The following FAT4 variants were observed in gnomAD, a reference collection of about 807,000 sequenced individuals.
FAT4 encodes the protein FAT atypical cadherin 4, also known as protocadherin Fat 4.
A neutral mutation model predicts 303.9 loss-of-function variants in FAT4; 84 were observed. The ratio of observed to expected loss-of-function variants is 0.28; its 90% confidence interval spans 0.23 to 0.33. The LOEUF (loss-of-function observed/expected upper bound fraction) is 0.33, where lower values mean the gene tolerates loss of function less well. Ranked by LOEUF, FAT4 falls within the 10% of genes least tolerant of loss-of-function variation. The pLI, the probability that FAT4 is intolerant of heterozygous loss-of-function variation, is 1.00. For missense variants in FAT4, 6,005 were observed against 6,146.8 expected, an observed-to-expected ratio of 0.98 and a Z score of 0.77; for synonymous variants, 2,307 against 2,298.8, an observed-to-expected ratio of 1.00 and a Z score of -0.10.
At chr4:125,434,096 A>G (rs1236818607) in intron 7 of FAT4, 149 bp from the exon 8 acceptor site, 10 of 663,350 alleles carry the variant, frequency 1.5e-5, no homozygotes, top group African/African-American at 3.6e-5. Flanking sequence ...TTGTAACAAA[A>G]TTAAAAATCA....
intron 8 of FAT4, among the ~76,000 whole-genome samples, chr4:125,443,894 T>C (rs1192824058): frequency 6.6e-6 from 1 of 152,138 alleles, no homozygotes; most frequent in Non-Finnish European, 1.5e-5. Flanking sequence ...ACAGAGCTTA[T>C]TGTGTTTCTT....
chr4:125,455,887 A>G (rs1305154861), intron 10 of FAT4, among the ~76,000 whole-genome samples: 1 of 152,224 alleles, frequency 6.6e-6, no homozygotes, highest in Non-Finnish European at 1.5e-5. Context: ...TGCTACAAGG[A>G]AACAGCTTAC....
intron 2 of FAT4, among the ~76,000 whole-genome samples, chr4:125,381,273 T>C (rs930744599): frequency 4.6e-5 from 7 of 152,164 alleles, no homozygotes; most frequent in African/African-American, 1.7e-4. Flanking sequence ...CTTCTATACT[T>C]TTCTAAGCCC....
At position 125,321,107 on chromosome 4, in the gene FAT4, G is replaced by C. The variant is rs1454514721; in HGVS notation, c.4696G>C (p.Glu1566Gln). 4.3e-6 allele frequency: 7 copies of C among 1,614,036 alleles called. No individual in the cohort carries two copies. In the South Asian group the frequency reaches 6.6e-5, roughly 15 times the overall value. Reference sequence around the variant, plus strand: ...AGGTGCTAATGGAGAAATAGAGTATGAGATCATCAATGGGGACACAGACAC... The same window carrying C: ...AGGTGCTAATGGAGAAATAGAGTATCAGATCATCAATGGGGACACAGACAC... ...DEGANGEIEY[E>Q]IINGDTDTFI... The change falls in exon 2 of 18, where the codon GAG becomes CAG. Residue 1566 changes from glutamate to glutamine, a missense_variant. Coordinates refer to ENST00000394329, the MANE Select transcript of FAT4 (RefSeq NM_001291303.3).
chr4:125,478,654 C>T (rs1848017), intron 14 of FAT4, among the ~76,000 whole-genome samples: 52,822 of 151,730 alleles, frequency 0.35, 9,595 homozygotes, highest in East Asian at 0.58. Flanking sequence ...CCTCAGCCTC[C>T]GGAGTAGCTG....
At chr4:125,345,959 G>A (rs1731983110) in intron 2 of FAT4, among the ~76,000 whole-genome samples, 1 of 152,032 alleles carries the variant, frequency 6.6e-6, no homozygotes, top group Admixed American at 6.6e-5. Flanking sequence ...CTTTCAGCAA[G>A]TCCTCCCCCT....
intron 2 of FAT4, among the ~76,000 whole-genome samples, chr4:125,333,422 C>T (rs925291252): frequency 6.6e-6 from 1 of 152,076 alleles, no homozygotes; most frequent in African/African-American, 2.4e-5. Flanking sequence ...GACGTCTTTT[C>T]GTGTGGATTT....
intron 7 of FAT4, among the ~76,000 whole-genome samples, chr4:125,426,088 T>C (rs974141120): frequency 1.3e-5 from 2 of 152,088 alleles, no homozygotes; most frequent in Non-Finnish European, 2.9e-5. Context: ...TTTTGAATTG[T>C]TGTCTGTCAC....
chr4:125,454,162 G>A (rs1431463240), intron 10 of FAT4, among the ~76,000 whole-genome samples: 1 of 152,136 alleles, frequency 6.6e-6, no homozygotes, highest in Non-Finnish European at 1.5e-5. Context: ...TTTAACTTTT[G>A]TAGATGTATT....
At chr4:125,407,830 A>G (rs1169403265) in intron 4 of FAT4, among the ~76,000 whole-genome samples, 1 of 152,086 alleles carries the variant, frequency 6.6e-6, no homozygotes, top group Non-Finnish European at 1.5e-5. Flanking sequence ...ATTTTTATGT[A>G]AAATTAAAAT....
intron 2 of FAT4, among the ~76,000 whole-genome samples, chr4:125,346,261 A>G (rs1731997796): frequency 6.6e-6 from 1 of 152,056 alleles, no homozygotes; most frequent in Non-Finnish European, 1.5e-5. Context: ...GCAAAATGTG[A>G]GGGATTAAAA....
chr4:125,458,284 A>G (rs1176851401), intron 10 of FAT4, among the ~76,000 whole-genome samples: 1 of 152,024 alleles, frequency 6.6e-6, no homozygotes, highest in Non-Finnish European at 1.5e-5. Context: ...TATAAACAGT[A>G]AAATTTTTTC....
At chr4:125,368,501 GTATGTATATATTATATA>G (rs1206890375) in intron 2 of FAT4, among the ~76,000 whole-genome samples, 2 of 141,438 alleles carry the variant, frequency 1.4e-5, no homozygotes, top group African/African-American at 5.1e-5. Context: ...ATATATATAT[GTATGTATATATTATATA>G]TATGTATATA....
intron 6 of FAT4, 105 bp downstream of exon 6, chr4:125,415,911 C>T (rs1735038663): frequency 1.2e-6 from 1 of 864,772 alleles, no homozygotes; most frequent in African/African-American, 1.7e-5. Flanking sequence ...TCTCCTCATT[C>T]TCATCCATAA....
At chr4:125,459,957 A>T (rs570333431) in intron 10 of FAT4, among the ~76,000 whole-genome samples, 1 of 152,050 alleles carries the variant, frequency 6.6e-6, no homozygotes, top group Non-Finnish European at 1.5e-5. Flanking sequence ...AAAAGCATAA[A>T]CTTTCCAAAC....
At chr4:125,322,963 G>A (rs563228852) in intron 2 of FAT4, among the ~76,000 whole-genome samples, 2 of 151,912 alleles carry the variant, frequency 1.3e-5, no homozygotes, top group South Asian at 4.2e-4. Context: ...TATATGTTGA[G>A]CTATTTGGTG....
In FAT4 at chr4:125,320,766, A is replaced by G. The variant is rs777926689; in HGVS notation, c.4355A>G (p.Asn1452Ser). 5.0e-6 allele frequency: 8 copies of G among 1,614,048 alleles called. No individual in the cohort carries two copies. Among genetic ancestry groups the G allele is most frequent in the South Asian group, 1.1e-5 (1 of 91,080 alleles). Reference sequence around the variant, plus strand: ...GCACATGACCCTGATGCAGACATTAATGGTCAACTATCCTACACAATCATT... The same window carrying G: ...GCACATGACCCTGATGCAGACATTAGTGGTCAACTATCCTACACAATCATT... ...VTAHDPDADINGQLSYTIIQQ... is the reference protein window; with the variant it reads ...VTAHDPDADISGQLSYTIIQQ... Residue 1452 changes from asparagine to serine, a missense_variant, in exon 2 of 18, where the codon AAT (asparagine) becomes AGT (serine). Transcript: ENST00000394329.
chr4:125,334,956 G>C (rs1185981499), intron 2 of FAT4, among the ~76,000 whole-genome samples: 1 of 152,136 alleles, frequency 6.6e-6, no homozygotes, highest in Non-Finnish European at 1.5e-5. Context: ...TAATAAAATA[G>C]GGAACGTATT....
At position 125,451,758 on chromosome 4, in the gene FAT4, A is replaced by G; in HGVS notation, c.10748A>G (p.Tyr3583Cys). ...GACAGAGAGCAGATTGCAGACTTCTATCTGTCTGTGGTTACCAAGGATTCT... is the reference window on the plus strand; with the variant it reads ...GACAGAGAGCAGATTGCAGACTTCTGTCTGTCTGTGGTTACCAAGGATTCT... ...EIDREQIADF[Y>C]LSVVTKDSGV... The change falls in exon 10 of 18, where the codon TAT becomes TGT. Residue 3583 changes from tyrosine (Y) to cysteine (C), a missense_variant. By Grantham distance (194) the Tyr-to-Cys change is radical. Transcript: ENST00000394329. 1.2e-6 allele frequency: 2 copies of G among 1,614,204 alleles called. No individual in the cohort carries two copies.
Sources: gnomAD v4.1 joint callset for allele counts (sites outside exome capture counted in the v4.1 genomes callset) on GRCh38, gnomAD v4.1.1 for gene constraint, MANE v1.5 for transcripts, NCBI Gene and HGNC (gene_info 2026-07-23, HGNC 2026-07-21) for gene names.